The following DZIP3 variants were observed in gnomAD, a reference collection of about 807,000 sequenced individuals.
The protein encoded by DZIP3 is E3 ubiquitin-protein ligase DZIP3.
Under a neutral mutation model 162.0 loss-of-function variants are expected in DZIP3, and 118 were observed. The observed-to-expected ratio is 0.73, with a 90% CI of 0.63 to 0.85. The LOEUF (loss-of-function observed/expected upper bound fraction) is 0.85, where lower values mean the gene tolerates loss of function less well. Ranked by LOEUF, DZIP3 falls within the 40% of genes least tolerant of loss-of-function variation. DZIP3 has a pLI of 0.00. For missense variants in DZIP3, 1,331 were observed against 1,407.0 expected, an observed-to-expected ratio of 0.95 and a Z score of 0.86; for synonymous variants, 438 against 458.6, an observed-to-expected ratio of 0.96 and a Z score of 0.57.
intron 3 of DZIP3, among the ~76,000 whole-genome samples, chr3:108,609,557 C>A (rs1940581327): frequency 6.6e-6 from 1 of 152,144 alleles, no homozygotes; most frequent in South Asian, 2.1e-4. Flanking sequence ...AAAGTGTGGA[C>A]CAGGCATGGT....
chr3:108,663,569 AAAAG>A (rs1456240883), intron 21 of DZIP3, among the ~76,000 whole-genome samples: 8 of 151,882 alleles, frequency 5.3e-5, no homozygotes, highest in Admixed American at 1.3e-4. Flanking sequence ...AAAAAAAAAA[AAAAG>A]AAACTGTACT....
At chr3:108,678,197 A>T (rs1228918752) in intron 26 of DZIP3, among the ~76,000 whole-genome samples, 1 of 151,700 alleles carries the variant, frequency 6.6e-6, no homozygotes, top group East Asian at 1.9e-4. Flanking sequence ...TCACCCCCAG[A>T]TGGGACTATC....
intron 31 of DZIP3, among the ~76,000 whole-genome samples, chr3:108,689,178 G>A (rs1944602403): frequency 6.6e-6 from 1 of 152,188 alleles, no homozygotes; most frequent in South Asian, 2.1e-4. Context: ...ACAGTAGGCA[G>A]TTCCTTCGAA....
intron 4 of DZIP3, 52 bp downstream of exon 4, chr3:108,611,381 C>CT: frequency 6.3e-7 from 1 of 1,582,488 alleles, no homozygotes; most frequent in African/African-American, 1.4e-5. Context: ...CTGTATATGA[C>CT]TTTTTTAATT....
intron 32 of DZIP3, among the ~76,000 whole-genome samples, chr3:108,691,742 T>C (rs1322889922): frequency 6.6e-6 from 1 of 152,190 alleles, no homozygotes; most frequent in African/African-American, 2.4e-5. Context: ...TGGAGTAGCA[T>C]GTCTTAAATC....
intron 13 of DZIP3, 84 bp from the exon 14 acceptor site, chr3:108,644,080 A>C: frequency 1.4e-6 from 2 of 1,445,488 alleles, no homozygotes; most frequent in Non-Finnish European, 1.8e-6. Context: ...TTTATCCTAC[A>C]GGAGCTTAGG....
At position 108,611,298 on chromosome 3, in the gene DZIP3, T is replaced by C. The variant is rs1940693921; in HGVS notation, c.227T>C (p.Leu76Ser). ...KGVVPHIKKF[L>S]QEDFSFQTMQ... The stretch of plus-strand genomic sequence containing the variant: ...GTGGTTCCTCACATTAAGAAGTTCT[T>C]ACAAGAAGATTTTTCCTTCCAAACT... Residue 76 changes from leucine to serine, a missense_variant, in exon 4 of 33, where the codon TTA becomes TCA. Physicochemically the swap from Leu to Ser is moderately radical, Grantham distance 145. This residue lies in a region of DZIP3 where 1,278 missense variants were observed against 1,317.1 expected (regional missense o/e 0.97). Transcript: ENST00000361582. 6.2e-7 allele frequency: 1 copy of C among 1,611,800 alleles called. No homozygotes were observed. The highest frequency in any genetic ancestry group is 1.1e-5 in the South Asian group (1 of 90,316).
intron 32 of DZIP3, among the ~76,000 whole-genome samples, chr3:108,693,010 T>C (rs934372883): frequency 1.3e-5 from 2 of 151,312 alleles, no homozygotes; most frequent in African/African-American, 4.8e-5. Flanking sequence ...CTTGCTGGTG[T>C]GCCTGTCATG....
rs557454623 is a variant in DZIP3, at chr3:108,690,659, C to T, written c.3517-128C>T. The stretch of plus-strand genomic sequence containing the variant: ...GCCATGGTTGCAGCAATTGGTTTGA[C>T]GATCCACAGCGTAAGGCTTTAAAGA... On this transcript the variant is annotated intron_variant, in intron 31 of 32. Coordinates refer to ENST00000361582, the MANE Select transcript of DZIP3 (RefSeq NM_014648.4). 202 of 778,504 alleles carry T rather than the reference C, an allele frequency of 2.6e-4. No homozygotes were observed. In the African/African-American group the frequency reaches 3.4e-3, roughly 13 times the overall value. The allele number at this position is 778,504 out of a possible 1,614,324, so 48.2% of individuals were successfully genotyped here.
At chr3:108,612,336 A>C (rs528488247) in intron 4 of DZIP3, among the ~76,000 whole-genome samples, 2 of 152,336 alleles carry the variant, frequency 1.3e-5, no homozygotes, top group East Asian at 3.9e-4. Flanking sequence ...GATATTCATA[A>C]GACTTTATGC....
At chr3:108,662,380 A>C in intron 21 of DZIP3, 123 bp downstream of exon 21, 1 of 1,208,140 alleles carries the variant, frequency 8.3e-7, no homozygotes, top group East Asian at 2.8e-5. Context: ...CAACCACACG[A>C]CTGCACTTGT....
At chr3:108,650,794 A>T (rs1576416685) in intron 17 of DZIP3, among the ~76,000 whole-genome samples, 1 of 151,662 alleles carries the variant, frequency 6.6e-6, no homozygotes, top group East Asian at 1.9e-4. Context: ...CACCTCTATC[A>T]TCTGAATCAG....
chr3:108,683,122 A>G (rs1576469042), intron 26 of DZIP3, among the ~76,000 whole-genome samples: 2 of 150,830 alleles, frequency 1.3e-5, no homozygotes, highest in Non-Finnish European at 2.9e-5. Context: ...CTCCACTGGA[A>G]TATTTTAAAG....
At chr3:108,668,161 G>T (rs1351671711) in intron 21 of DZIP3, among the ~76,000 whole-genome samples, 1 of 152,060 alleles carries the variant, frequency 6.6e-6, no homozygotes, top group African/African-American at 2.4e-5. Context: ...GTTGATGACA[G>T]TTGAAGTGTT....
chr3:108,598,559 C>T (rs762896465), intron 1 of DZIP3, among the ~76,000 whole-genome samples: 9 of 152,150 alleles, frequency 5.9e-5, no homozygotes, highest in African/African-American at 9.7e-5. Context: ...TCTGAGATAA[C>T]AGTGAGCTGC....
rs1944795807 is a variant in DZIP3 at position 108,694,121 on chromosome 3, AAAC to A, written c.*771_*773del. ...GAAGAATAAATGTTTCCTGACTCAG[AAAC>A]AATTTTGCCTCCATATTTCAGTGCA... On this transcript the variant is annotated 3_prime_UTR_variant, in exon 33 of 33. Transcript: ENST00000361582. 1 of 152,198 alleles carries A rather than the reference AAAC, an allele frequency of 6.6e-6. No homozygotes were observed. Among genetic ancestry groups the A allele is most frequent in the Non-Finnish European group, 1.5e-5 (1 of 68,026 alleles). The allele number at this position is 152,198 out of a possible 1,614,324, so 9.4% of individuals were successfully genotyped here.
chr3:108,590,631 C>T (rs1939342810), intron 1 of DZIP3, among the ~76,000 whole-genome samples: 1 of 152,204 alleles, frequency 6.6e-6, no homozygotes, highest in Non-Finnish European at 1.5e-5. Flanking sequence ...AGGGAACTGT[C>T]TAGTAAGGGA....
intron 8 of DZIP3, among the ~76,000 whole-genome samples, chr3:108,630,700 T>C (rs1320365676): frequency 6.6e-6 from 1 of 152,062 alleles, no homozygotes; most frequent in Non-Finnish European, 1.5e-5. Flanking sequence ...CTCTTTTTCT[T>C]CCTCTTTTTA....
At chr3:108,637,639 A>G (rs1942216054) in intron 12 of DZIP3, 91 bp downstream of exon 12, 8 of 1,143,654 alleles carry the variant, frequency 7.0e-6, no homozygotes, top group Non-Finnish European at 8.9e-6. Flanking sequence ...GTCACCTAAT[A>G]GAGCTGCATT....
Sources: gnomAD v4.1 joint callset for allele counts (sites outside exome capture counted in the v4.1 genomes callset) on GRCh38, gnomAD v4.1.1 for gene constraint, gnomAD v4.1.1 regional missense constraint, MANE v1.5 for transcripts, NCBI Gene and HGNC (gene_info 2026-07-23, HGNC 2026-07-21) for gene names.